CGNL1: variants seen among roughly 807,000 people sequenced by gnomAD.
CGNL1 encodes cingulin like 1, also known as cingulin-like protein 1.
Under a neutral mutation model 141.2 loss-of-function variants are expected in CGNL1, and 132 were observed. That is an observed-to-expected ratio of 0.93 (90% CI 0.81 to 1.08). The LOEUF (loss-of-function observed/expected upper bound fraction) is 1.08, where lower values mean the gene tolerates loss of function less well. Ranked by LOEUF, CGNL1 falls within the 50% of genes least tolerant of loss-of-function variation. CGNL1 has a pLI of 0.00. For missense variants in CGNL1, 1,870 were observed against 1,588.6 expected (o/e 1.18, Z -3.01); for synonymous variants, 690 against 622.1 (o/e 1.11, Z -1.63).
intron 1 of CGNL1, among the ~76,000 whole-genome samples, chr15:57,435,139 A>G (rs73419915): frequency 0.021 from 3,153 of 152,274 alleles, 92 homozygotes; most frequent in African/African-American, 0.071. Context: ...TAAAACAGTA[A>G]TCGATCATTA....
chr15:57,448,003 G>T (rs1392199032), intron 4 of CGNL1, among the ~76,000 whole-genome samples: 1 of 151,998 alleles, frequency 6.6e-6, no homozygotes, highest in East Asian at 1.9e-4. Flanking sequence ...TTAAAGGATG[G>T]TTCTTTTAAG....
In CGNL1 at chr15:57,438,835, G is replaced by A; in HGVS notation, c.836G>A (p.Arg279Gln). 3 of 1,614,126 alleles carry A rather than the reference G, an allele frequency of 1.9e-6. No homozygotes were observed. The highest frequency in any genetic ancestry group is 2.5e-6 in the Non-Finnish European group (3 of 1,180,044). The change falls in exon 2 of 19, where the codon CGG (arginine) becomes CAG (glutamine). Residue 279 changes from arginine (R) to glutamine (Q), a missense_variant. By Grantham distance (43) the Arg-to-Gln change is conservative (BLOSUM62 1). Transcript: ENST00000281282. ...ACCAGGCCAGATGTTCTTCCCTTCC[G>A]GCGACAGGATTCAGCGGGACCCGTC... Reference protein sequence around the residue: ...KKTRPDVLPFRRQDSAGPVLD... With the variant: ...KKTRPDVLPFQRQDSAGPVLD...
intron 8 of CGNL1, chr15:57,478,474 A>G (rs187070173): frequency 1.5e-3 from 228 of 152,314 alleles, no homozygotes; most frequent in Admixed American, 7.1e-3. Flanking sequence ...AGGCACTTTA[A>G]CTGGATGGGA....
intron 1 of CGNL1, among the ~76,000 whole-genome samples, chr15:57,415,125 T>C (rs528479643): frequency 6.6e-6 from 1 of 152,344 alleles, no homozygotes; most frequent in African/African-American, 2.4e-5. Flanking sequence ...TCATCTCAGC[T>C]TCGGTCTGAA....
At chr15:57,424,080 C>A (rs1175222836) in intron 1 of CGNL1, among the ~76,000 whole-genome samples, 4 of 152,204 alleles carry the variant, frequency 2.6e-5, no homozygotes, top group Admixed American at 1.3e-4. Flanking sequence ...CCCACGACAC[C>A]CTGTGGGTTT....
intron 12 of CGNL1, among the ~76,000 whole-genome samples, chr15:57,528,274 A>T (rs895606783): frequency 1.3e-5 from 2 of 152,154 alleles, no homozygotes. Context: ...AAAGACAAAA[A>T]AAAACTATAT....
In CGNL1 at chr15:57,523,600, C is replaced by G. The variant is rs778467834; in HGVS notation, c.2827C>G (p.Arg943Gly). ...RRLKNEMENE[R>G]WHLGKTIEKL... ...GTTGAAGAACGAGATGGAGAATGAG[C>G]GGTGGCACCTGGGCAAAACCATTGA... is the stretch of plus-strand genomic sequence containing the variant. Residue 943 changes from arginine (R) to glycine (G), a missense_variant, in exon 11 of 19, where the codon CGG becomes GGG. Physicochemically the swap from Arg to Gly is moderately radical, Grantham distance 125. Transcript: ENST00000281282. 1.3e-5 allele frequency: 21 copies of G among 1,613,926 alleles called. No homozygotes were observed. The highest frequency in any genetic ancestry group is 5.0e-5 in the Admixed American group (3 of 59,976).
chr15:57,428,450 A>G (rs1354062525), intron 1 of CGNL1, among the ~76,000 whole-genome samples: 1 of 152,194 alleles, frequency 6.6e-6, no homozygotes, highest in Non-Finnish European at 1.5e-5. Context: ...GTACAAAGAA[A>G]TCACCGGGGC....
At chr15:57,453,942 T>C (rs1352474121) in intron 7 of CGNL1, 124 bp downstream of exon 7, 4 of 1,102,630 alleles carry the variant, frequency 3.6e-6, no homozygotes, top group Non-Finnish European at 5.2e-6. Context: ...TGTGCTCTTA[T>C]GATCTGTGAG....
At chr15:57,380,143 C>G (rs552077305) in intron 1 of CGNL1, among the ~76,000 whole-genome samples, 1 of 152,292 alleles carries the variant, frequency 6.6e-6, no homozygotes, top group South Asian at 2.1e-4. Context: ...AGCAATCCTC[C>G]CTGCCTCAGC....
chr15:57,391,065 C>A (rs1256857469), intron 1 of CGNL1, among the ~76,000 whole-genome samples: 2 of 152,134 alleles, frequency 1.3e-5, no homozygotes, highest in African/African-American at 4.8e-5. Flanking sequence ...CCTTTTACAT[C>A]CAAAGAAACA....
intron 1 of CGNL1, among the ~76,000 whole-genome samples, chr15:57,420,218 G>T (rs555127012): frequency 2.4e-4 from 36 of 152,264 alleles, no homozygotes; most frequent in African/African-American, 7.5e-4. Context: ...TTTTATTGGA[G>T]AACTTGTTGG....
At chr15:57,513,253 G>GGTGTGTGT (rs369204678) in intron 8 of CGNL1, among the ~76,000 whole-genome samples, 1,693 of 133,954 alleles carry the variant, frequency 0.013, 8 homozygotes, top group Middle Eastern at 0.023. Context: ...TGTCAATATG[G>GGTGTGTGT]GTGTGTGTGT....
At chr15:57,447,122 T>G (rs1239589838) in intron 4 of CGNL1, among the ~76,000 whole-genome samples, 1 of 152,172 alleles carries the variant, frequency 6.6e-6, no homozygotes, top group African/African-American at 2.4e-5. Flanking sequence ...CGTCTTAATA[T>G]TATTGGTGTT....
Position 57,423,831 on chromosome 15 carries a change from T to C in CGNL1, c.-15-14154T>C, listed in dbSNP as rs1295345404. The stretch of plus-strand genomic sequence containing the variant: ...TCATTCTGAATGTGGGAAAAGCAGA[T>C]GATGATTCATTGGATCTCGGGTGGA... On this transcript the variant is annotated intron_variant, in intron 1 of 18. Transcript: ENST00000281282. 2.0e-5 allele frequency among the ~76,000 whole-genome samples: 3 copies of C among 152,218 alleles called. No homozygotes were observed. The East Asian group carries it at 5.8e-4, about 29-fold the overall frequency.
chr15:57,461,351 A>G (rs531378673), intron 7 of CGNL1, among the ~76,000 whole-genome samples: 2 of 152,300 alleles, frequency 1.3e-5, no homozygotes, highest in East Asian at 3.9e-4. Flanking sequence ...GAGCAAGGGC[A>G]ACAGATCACT....
intron 5 of CGNL1, 130 bp downstream of exon 5, chr15:57,451,731 C>T: frequency 1.5e-6 from 1 of 673,242 alleles, no homozygotes; most frequent in South Asian, 2.1e-5. Context: ...CCTCTAATCA[C>T]TGAATAAATT....
chr15:57,494,337 G>A (rs2063907049), intron 8 of CGNL1, among the ~76,000 whole-genome samples: 1 of 152,166 alleles, frequency 6.6e-6, no homozygotes, highest in Non-Finnish European at 1.5e-5. Flanking sequence ...AAGTACAGAG[G>A]TGGAGTTCTC....
chr15:57,453,813 A>T lies in CGNL1; in HGVS notation c.2185A>T (p.Ile729Phe). 1.9e-6 allele frequency: 3 copies of T among 1,613,366 alleles called. No homozygotes were observed. The highest frequency in any genetic ancestry group is 2.5e-6 in the Non-Finnish European group (3 of 1,179,840). ...RSEDREKGAL[I>F]EELLQAKQDL... ...GGAGGACAGGGAGAAGGGAGCTCTG[A>T]TTGAGGTAAGCAGGGCTGTGGGGTC... The change falls in exon 7 of 19, where the codon ATT (isoleucine) becomes TTT (phenylalanine). Residue 729 changes from isoleucine (I) to phenylalanine (F), a missense_variant. Ile to Phe is a conservative substitution (Grantham distance 21). Transcript: ENST00000281282.
Sources: allele counts gnomAD v4.1 joint callset (sites outside exome capture counted in the v4.1 genomes callset), GRCh38; gene constraint gnomAD v4.1.1; transcripts MANE v1.5; gene names NCBI Gene and HGNC (gene_info 2026-07-23, HGNC 2026-07-21).